HIF1A: variants seen among roughly 807,000 people sequenced by gnomAD.
The protein encoded by HIF1A is hypoxia-inducible factor 1-alpha.
A neutral mutation model predicts 92.7 loss-of-function variants in HIF1A; 24 were observed. That is an observed-to-expected ratio of 0.26 (90% confidence interval 0.19 to 0.36). The LOEUF is 0.36. HIF1A is among the 10% of genes least tolerant of loss of function. The pLI is 1.00. For synonymous variants in HIF1A, 319 were observed against 338.7 expected (o/e 0.94, Z 0.64); for missense variants, 799 against 998.5 (o/e 0.80, Z 2.69).
intron 2 of HIF1A, 34 bp from the exon 3 acceptor site, chr14:61,721,475 A>T: frequency 6.4e-7 from 1 of 1,568,468 alleles, no homozygotes; most frequent in Admixed American, 1.8e-5. Context: ...CAACTTTTTA[A>T]CTAATTATTT....
intron 6 of HIF1A, among the ~76,000 whole-genome samples, chr14:61,729,449 G>A (rs1223495628): frequency 6.8e-6 from 1 of 147,802 alleles, no homozygotes; most frequent in Admixed American, 6.9e-5. Flanking sequence ...GAGACGGAGT[G>A]AGACTCCATC....
intron 4 of HIF1A, 82 bp downstream of exon 4, chr14:61,721,905 A>G (rs1203693971): frequency 2.1e-6 from 2 of 973,522 alleles, no homozygotes; most frequent in Non-Finnish European, 3.2e-6. Flanking sequence ...AAACTTTGCT[A>G]TTGTACTTAC....
chr14:61,733,419 CAT>C (rs1331821468), intron 7 of HIF1A, among the ~76,000 whole-genome samples: 3 of 152,178 alleles, frequency 2.0e-5, no homozygotes, highest in Non-Finnish European at 2.9e-5. Flanking sequence ...GTACCTTTGA[CAT>C]AAGATTTGAT....
chr14:61,741,018 T>C lies in HIF1A; in HGVS notation c.1923T>C (p.Ser641=), dbSNP rs375644414. The part of the protein sequence containing the change: ...RMEDIKILIA[S]PSPTHIHKET... Reference sequence around the variant, plus strand: ...AAGACATTAAAATATTGATTGCATCTCCATCTCCTACCCACATACATAAAG... The same window carrying C: ...AAGACATTAAAATATTGATTGCATCCCCATCTCCTACCCACATACATAAAG... The change falls in exon 12 of 15, where the codon TCT becomes TCC. Residue 641 remains serine (S), a synonymous_variant. Transcript: ENST00000337138. 1.2e-6 allele frequency: 2 copies of C among 1,614,104 alleles called. No homozygotes were observed. Among genetic ancestry groups the C allele is most frequent in the Non-Finnish European group, 1.7e-6 (2 of 1,179,970 alleles).
At chr14:61,700,309 C>A (rs1386910573) in intron 1 of HIF1A, among the ~76,000 whole-genome samples, 1 of 152,024 alleles carries the variant, frequency 6.6e-6, no homozygotes, top group Non-Finnish European at 1.5e-5. Context: ...TCCCAATTTC[C>A]CCCTCTCCTC....
intron 1 of HIF1A, among the ~76,000 whole-genome samples, chr14:61,709,847 G>A (rs888594222): frequency 2.0e-5 from 3 of 152,134 alleles, no homozygotes; most frequent in Admixed American, 1.3e-4. Context: ...AAAGAAATAT[G>A]ATAGTTCAAG....
chr14:61,711,565 G>A (rs1472527175), intron 1 of HIF1A, among the ~76,000 whole-genome samples: 1 of 152,122 alleles, frequency 6.6e-6, no homozygotes, highest in African/African-American at 2.4e-5. Context: ...CTCTTTCCTG[G>A]CAAGATCATT....
At chr14:61,724,382 C>CCCT (rs2044476563) in intron 4 of HIF1A, among the ~76,000 whole-genome samples, 12 of 30,178 alleles carry the variant, frequency 4.0e-4, no homozygotes, top group African/African-American at 6.0e-4. Flanking sequence ...TCTCTCTCTC[C>CCCT]CCCTCCCTCC....
chr14:61,746,676 T>G (rs1206922900), intron 14 of HIF1A, among the ~76,000 whole-genome samples: 1 of 152,182 alleles, frequency 6.6e-6, no homozygotes, highest in Admixed American at 6.5e-5. Context: ...GGCATCAGCT[T>G]TGATGCCCAC....
chr14:61,703,943 G>A lies in HIF1A; in HGVS notation c.35+8104G>A, dbSNP rs551315872. On this transcript the variant is annotated intron_variant, in intron 1 of 14. Transcript: ENST00000337138. Reference sequence around the variant, plus strand: ...TTGGGAAGTTGAGTATTTCTTCTATGGGTTAGGGTTTTCATCTCAAGAAAA... The same window carrying A: ...TTGGGAAGTTGAGTATTTCTTCTATAGGTTAGGGTTTTCATCTCAAGAAAA... 9.2e-5 allele frequency among the ~76,000 whole-genome samples: 14 copies of A among 152,216 alleles called. No homozygotes were observed. The South Asian group carries it at 2.9e-3, about 32-fold the overall frequency.
rs750050488 is a variant in HIF1A, at chr14:61,726,689, T to C, written c.458-17T>C. ...TATATTTAGTTGCTTTAAAACTTTA[T>C]TTCATGCTTTCATTAGGCCTTGTGA... On this transcript the variant is annotated splice_polypyrimidine_tract_variant and intron_variant, in intron 4 of 14. Transcript: ENST00000337138. The C allele has an allele frequency of 4.6e-6, 7 of 1,507,304 alleles. No homozygotes were observed. In the East Asian group the frequency reaches 1.1e-4, roughly 25 times the overall value. The allele number at this position is 1,507,304 out of a possible 1,614,324, so 93.4% of individuals were successfully genotyped here. A position where few individuals can be genotyped will look rare whatever the true frequency, so the allele number is the denominator to read the frequency against.
Position 61,738,313 on chromosome 14 carries a change from C to T in HIF1A, c.1476C>T (p.Pro492=), listed in dbSNP as rs759931925. 2.5e-6 allele frequency: 4 copies of T among 1,614,032 alleles called. No individual in the cohort carries two copies. The South Asian group carries it at 4.4e-5, about 18-fold the overall frequency. ...PESLELSFTM[P]QIQDQTPSPS... ...CACTGGAACTTTCTTTTACCATGCCCCAGATTCAGGATCAGACACCTAGTC... is the reference window on the plus strand; with the variant it reads ...CACTGGAACTTTCTTTTACCATGCCTCAGATTCAGGATCAGACACCTAGTC... Residue 492 remains proline (P), a synonymous_variant, in exon 10 of 15, where the codon CCC becomes CCT. Coordinates refer to ENST00000337138, the MANE Select transcript of HIF1A (RefSeq NM_001530.4).
At chr14:61,730,690 A>G (rs776529313) in intron 6 of HIF1A, among the ~76,000 whole-genome samples, 42 of 152,150 alleles carry the variant, frequency 2.8e-4, no homozygotes, top group African/African-American at 8.4e-4. Flanking sequence ...TCATCACTGC[A>G]TTTATCACAT....
intron 1 of HIF1A, among the ~76,000 whole-genome samples, chr14:61,718,477 C>G (rs1400554754): frequency 6.6e-6 from 1 of 152,182 alleles, no homozygotes; most frequent in African/African-American, 2.4e-5. Flanking sequence ...CTAGATACCC[C>G]CCCATCCTGG....
rs1370649133 is a variant in HIF1A at position 61,734,234 on chromosome 14, A to C, written c.977A>C (p.Asn326Thr). Residue 326 changes from asparagine (N) to threonine (T), a missense_variant, in exon 8 of 15, where the codon AAC becomes ACC. Physicochemically the swap from Asn to Thr is moderately conservative, Grantham distance 65. This residue lies in a region of HIF1A where 516 missense variants were observed against 721.0 expected (regional missense o/e 0.72). Transcript: ENST00000337138. Reference protein sequence around the residue: ...WVETQATVIYNTKNSQPQCIV... With the variant: ...WVETQATVIYTTKNSQPQCIV... ...GAAACTCAAGCAACTGTCATATATA[A>C]CACCAAGAATTCTCAACCACAGTGC... 6.2e-7 allele frequency: 1 copy of C among 1,613,268 alleles called. No individual in the cohort carries two copies.
intron 1 of HIF1A, among the ~76,000 whole-genome samples, chr14:61,709,415 T>C (rs913839704): frequency 3.3e-5 from 5 of 152,232 alleles, no homozygotes; most frequent in African/African-American, 1.2e-4. Context: ...TTACACATTA[T>C]GGCTATTTCA....
chr14:61,696,777 G>T (rs2044122024), intron 1 of HIF1A, among the ~76,000 whole-genome samples: 1 of 152,072 alleles, frequency 6.6e-6, no homozygotes, highest in South Asian at 2.1e-4. Context: ...AAAAATTTTC[G>T]AACTCTGTCT....
rs2044705336 is a variant in HIF1A at position 61,741,101 on chromosome 14, C to A, written c.2006C>A (p.Pro669Gln). ...YRDTQSRTASPNRAGKGVIEQ... is the reference protein window; with the variant it reads ...YRDTQSRTASQNRAGKGVIEQ... The stretch of plus-strand genomic sequence containing the variant: ...GATACTCAAAGTCGGACAGCCTCAC[C>A]AAACAGAGCAGGAAAAGGAGTCATA... Residue 669 changes from proline (P) to glutamine (Q), a missense_variant, in exon 12 of 15, where the codon CCA becomes CAA. Coordinates refer to ENST00000337138, the MANE Select transcript of HIF1A (RefSeq NM_001530.4). The A allele has an allele frequency of 1.2e-6, 2 of 1,613,928 alleles. No individual in the cohort carries two copies. Among genetic ancestry groups the A allele is most frequent in the African/African-American group, 1.3e-5 (1 of 75,040 alleles).
At chr14:61,701,645 T>G (rs1425052375) in intron 1 of HIF1A, among the ~76,000 whole-genome samples, 1 of 152,152 alleles carries the variant, frequency 6.6e-6, no homozygotes, top group Non-Finnish European at 1.5e-5. Context: ...CCCCTTTCCA[T>G]TATAAAACTG....
Sources: allele counts gnomAD v4.1 joint callset (sites outside exome capture counted in the v4.1 genomes callset), GRCh38; gene constraint gnomAD v4.1.1; regional missense constraint gnomAD v4.1.1; transcripts MANE v1.5; gene names NCBI Gene and HGNC (gene_info 2026-07-23, HGNC 2026-07-21).